MAN1C1: variants seen among roughly 807,000 people sequenced by gnomAD.
MAN1C1 encodes the protein mannosidase alpha class 1C member 1.
MAN1C1 carries 49 observed loss-of-function variants against 71.5 expected under a neutral mutation model. That is an observed-to-expected ratio of 0.69 (90% CI 0.54 to 0.87). The LOEUF is 0.87. Among genes scored for constraint, MAN1C1 ranks in the 40% least tolerant of loss-of-function variants. MAN1C1 has a pLI of 0.00. For missense variants in MAN1C1, 743 were observed against 835.0 expected, an observed-to-expected ratio of 0.89 and a Z score of 1.36; for synonymous variants, 352 against 343.7, an observed-to-expected ratio of 1.02 and a Z score of -0.27.
intron 2 of MAN1C1, among the ~76,000 whole-genome samples, chr1:25,729,799 C>T (rs557159263): frequency 2.0e-5 from 3 of 152,162 alleles, no homozygotes; most frequent in South Asian, 2.1e-4. Context: ...CATGAGCCCC[C>T]GTGCCTGGCC....
chr1:25,734,912 G>A (rs1290555053), intron 2 of MAN1C1, among the ~76,000 whole-genome samples: 12 of 152,228 alleles, frequency 7.9e-5, no homozygotes, highest in African/African-American at 2.9e-4. Context: ...GATCCACGTG[G>A]GAGAGTCAGG....
intron 9 of MAN1C1, among the ~76,000 whole-genome samples, chr1:25,780,444 G>A (rs1020876863): frequency 2.0e-5 from 3 of 152,128 alleles, no homozygotes; most frequent in African/African-American, 7.2e-5. Context: ...GGTGTTAAAA[G>A]CAGTTTTCTA....
At chr1:25,678,881 A>G (rs771666913) in intron 1 of MAN1C1, among the ~76,000 whole-genome samples, 4 of 152,198 alleles carry the variant, frequency 2.6e-5, no homozygotes, top group Non-Finnish European at 4.4e-5. Flanking sequence ...CCAAAATGGG[A>G]ATGGTGGTTG....
At chr1:25,693,551 A>G (rs1352823421) in intron 2 of MAN1C1, among the ~76,000 whole-genome samples, 3 of 152,180 alleles carry the variant, frequency 2.0e-5, no homozygotes, top group Non-Finnish European at 4.4e-5. Flanking sequence ...GAATTGCTTG[A>G]ACCTGGGAGG....
chr1:25,627,800 A>G (rs1369328560), intron 1 of MAN1C1, among the ~76,000 whole-genome samples: 3 of 152,016 alleles, frequency 2.0e-5, no homozygotes, highest in African/African-American at 7.2e-5. Flanking sequence ...TGGGAGGCCA[A>G]GATGGGTGAA....
At chr1:25,720,239 TCTCA>T (rs1557778662) in intron 2 of MAN1C1, among the ~76,000 whole-genome samples, 2 of 151,680 alleles carry the variant, frequency 1.3e-5, no homozygotes. Flanking sequence ...CAAGACAAAG[TCTCA>T]CTCTGTTGCC....
chr1:25,690,038 TC>T (rs2124187167), intron 2 of MAN1C1, among the ~76,000 whole-genome samples: 4 of 152,250 alleles, frequency 2.6e-5, no homozygotes, highest in African/African-American at 9.6e-5. Flanking sequence ...ACCAAGTGAA[TC>T]CCCCTCCCAG....
chr1:25,747,154 G>A (rs569818707), intron 3 of MAN1C1, among the ~76,000 whole-genome samples: 1 of 152,188 alleles, frequency 6.6e-6, no homozygotes, highest in South Asian at 2.1e-4. Flanking sequence ...CTTTGTGGAG[G>A]GGGGACGTGG....
intron 1 of MAN1C1, among the ~76,000 whole-genome samples, chr1:25,633,777 A>G (rs1233241663): frequency 6.6e-6 from 1 of 152,200 alleles, no homozygotes; most frequent in Admixed American, 6.5e-5. Context: ...TATGTTCAAC[A>G]TTAATACTGA....
At chr1:25,716,535 C>T (rs1451627264) in intron 2 of MAN1C1, among the ~76,000 whole-genome samples, 1 of 152,142 alleles carries the variant, frequency 6.6e-6, no homozygotes, top group African/African-American at 2.4e-5. Context: ...CCGTGTTGCC[C>T]AAGCTGTTCT....
intron 5 of MAN1C1, among the ~76,000 whole-genome samples, chr1:25,755,071 G>T (rs545362499): frequency 3.9e-5 from 6 of 152,172 alleles, no homozygotes; most frequent in Admixed American, 6.5e-5. Flanking sequence ...GGCAGGGCTC[G>T]CTGTGGGCAG....
chr1:25,758,956 C>T (rs778413767), intron 6 of MAN1C1: 14 of 483,724 alleles, frequency 2.9e-5, no homozygotes, highest in Admixed American at 9.8e-5. Flanking sequence ...AAGATTCTGC[C>T]GGGGAAAAGG....
intron 1 of MAN1C1, among the ~76,000 whole-genome samples, chr1:25,676,093 C>T (rs145148881): frequency 5.1e-4 from 78 of 152,254 alleles, no homozygotes; most frequent in Middle Eastern, 3.4e-3. Context: ...CTTTGAGCAG[C>T]GAGAGTTTCT....
At chr1:25,671,471 G>A (rs1456783365) in intron 1 of MAN1C1, among the ~76,000 whole-genome samples, 1 of 152,218 alleles carries the variant, frequency 6.6e-6, no homozygotes, top group Non-Finnish European at 1.5e-5. Context: ...AAGGGCAAAG[G>A]AGACAGACAT....
intron 1 of MAN1C1, among the ~76,000 whole-genome samples, chr1:25,649,218 A>G (rs1474690835): frequency 6.6e-6 from 1 of 152,152 alleles, no homozygotes; most frequent in African/African-American, 2.4e-5. Context: ...TCCTGGCACC[A>G]TTTCTCTGTG....
chr1:25,770,569 C>T (rs146328434), intron 7 of MAN1C1, among the ~76,000 whole-genome samples: 73 of 152,322 alleles, frequency 4.8e-4, no homozygotes, highest in African/African-American at 1.6e-3. Context: ...GCCCAGTTGC[C>T]GTTCTCCCAC....
chr1:25,730,452 G>A lies in MAN1C1; in HGVS notation c.638-16216G>A, dbSNP rs1357807377. On this transcript the variant is annotated intron_variant, in intron 2 of 11. Coordinates refer to ENST00000374332, the MANE Select transcript of MAN1C1 (RefSeq NM_020379.4). The surrounding 1 kb of genome is among the most constrained non-coding windows in gnomAD (Gnocchi z 4.3). ...AGCCATCCTCGAAAACCTTAGCTGA[G>A]AATGACAAATACTAGGGGCTTTAAT... 1.3e-5 allele frequency among the ~76,000 whole-genome samples: 2 copies of A among 151,468 alleles called. No individual in the cohort carries two copies. Among genetic ancestry groups the A allele is most frequent in the Non-Finnish European group, 2.9e-5 (2 of 67,964 alleles).
chr1:25,768,354 CACAT>C (rs2047484421), intron 7 of MAN1C1, among the ~76,000 whole-genome samples: 1 of 133,302 alleles, frequency 7.5e-6, no homozygotes, highest in Non-Finnish European at 1.6e-5. Flanking sequence ...ACCACACACA[CACAT>C]TACATACACT....
intron 1 of MAN1C1, among the ~76,000 whole-genome samples, chr1:25,619,767 C>A (rs1048867375): frequency 6.6e-6 from 1 of 152,166 alleles, no homozygotes; most frequent in Non-Finnish European, 1.5e-5. Flanking sequence ...TAAGGAACTA[C>A]GCTGTTGAAT....
Sources: allele counts gnomAD v4.1 joint callset (sites outside exome capture counted in the v4.1 genomes callset), GRCh38; gene constraint gnomAD v4.1.1; non-coding constraint Gnocchi (gnomAD v3.1); transcripts MANE v1.5; gene names NCBI Gene and HGNC (gene_info 2026-07-23, HGNC 2026-07-21).